GPATCH2: variants seen among roughly 807,000 people sequenced by gnomAD.
GPATCH2 encodes G-patch domain containing 2.
A neutral mutation model predicts 58.0 loss-of-function variants in GPATCH2; 51 were observed. That is an observed-to-expected ratio of 0.88 (90% confidence interval 0.70 to 1.11). The LOEUF is 1.11. GPATCH2 is among the 50% of genes most tolerant of loss of function. The probability of loss-of-function intolerance (pLI) is 0.00; values close to 1 mark genes in which losing one functional copy is unlikely to be tolerated. For synonymous variants in GPATCH2, 222 were observed against 218.5 expected (o/e 1.02, Z -0.14); for missense variants, 625 against 652.2 (o/e 0.96, Z 0.45).
At chr1:217,565,792 C>T (rs1666196131) in intron 5 of GPATCH2, among the ~76,000 whole-genome samples, 1 of 152,004 alleles carries the variant, frequency 6.6e-6, no homozygotes, top group Non-Finnish European at 1.5e-5. Flanking sequence ...GCGATCCAAC[C>T]TAATATCTAC....
intron 6 of GPATCH2, among the ~76,000 whole-genome samples, chr1:217,513,122 T>C (rs957400468): frequency 1.3e-5 from 2 of 152,146 alleles, no homozygotes; most frequent in Admixed American, 6.5e-5. Context: ...ATACCCCATC[T>C]CTACTAAAAA....
intron 5 of GPATCH2, among the ~76,000 whole-genome samples, chr1:217,606,256 A>T (rs1668357181): frequency 6.6e-6 from 1 of 151,482 alleles, no homozygotes; most frequent in Non-Finnish European, 1.5e-5. Flanking sequence ...CTCTGTGGTC[A>T]GGAGAAGAGT....
At chr1:217,609,744 A>T (rs1668535832) in intron 5 of GPATCH2, 1 of 947,194 alleles carries the variant, frequency 1.1e-6, no homozygotes, top group South Asian at 4.9e-5. Context: ...ATTTTTATTT[A>T]CAACAGTCAG....
intron 5 of GPATCH2, among the ~76,000 whole-genome samples, chr1:217,536,456 A>G (rs1387258414): frequency 6.6e-6 from 1 of 152,180 alleles, no homozygotes; most frequent in Non-Finnish European, 1.5e-5. Flanking sequence ...CTTTCATTCA[A>G]ACTGATACTC....
chr1:217,432,320 T>C (rs866499739), intron 9 of GPATCH2, among the ~76,000 whole-genome samples: 3 of 125,984 alleles, frequency 2.4e-5, no homozygotes, highest in African/African-American at 3.5e-5. Flanking sequence ...TTTTCAAAAA[T>C]AGACTTTGAA....
intron 5 of GPATCH2, among the ~76,000 whole-genome samples, chr1:217,594,814 C>T (rs1667749103): frequency 6.6e-6 from 1 of 152,122 alleles, no homozygotes; most frequent in East Asian, 1.9e-4. Flanking sequence ...TGTAAAGGTA[C>T]CTTTCCCATA....
At position 217,502,636 on chromosome 1, in the gene GPATCH2, C is replaced by T. The variant is rs182210965; in HGVS notation, c.1167-4241G>A. ...TCCTCTCTTTATACTGAAGTCTTTC[C>T]TCAAATATCTGGTGATCTTTACTTA... On this transcript the variant is annotated intron_variant, in intron 6 of 9. Coordinates refer to ENST00000366935, the MANE Select transcript of GPATCH2 (RefSeq NM_018040.5). Among the ~76,000 whole-genome samples the T allele has an allele frequency of 2.9e-3, 435 of 151,994 alleles. 1 individual carries two copies. Among genetic ancestry groups the T allele is most frequent in the African/African-American group, 9.5e-3 (396 of 41,484 alleles).
At chr1:217,449,210 C>T (rs772515331) in intron 9 of GPATCH2, 39 bp downstream of exon 9, 9 of 1,013,918 alleles carry the variant, frequency 8.9e-6, no homozygotes, top group African/African-American at 6.3e-5. Context: ...TTTATGAACT[C>T]TACATTTGTG....
chr1:217,431,453 G>T, intron 9 of GPATCH2, 88 bp from the exon 10 acceptor site: 1 of 797,682 alleles, frequency 1.3e-6, no homozygotes, highest in Non-Finnish European at 2.2e-6. Flanking sequence ...CCTAAGTTTT[G>T]TTTTGTTTTG....
intron 5 of GPATCH2, among the ~76,000 whole-genome samples, chr1:217,568,657 T>C (rs77364343): frequency 0.016 from 2,440 of 152,222 alleles, 78 homozygotes; most frequent in East Asian, 0.13. Context: ...AAGGCCAGTG[T>C]TGCTAGACAG....
chr1:217,514,822 T>A lies in GPATCH2; in HGVS notation c.1166A>T (p.Asp389Val). The stretch of plus-strand genomic sequence containing the variant: ...TTATATAAACACACTGAGTACTCAC[T>A]CATGGTGATGAGAATCCGGGGAAAA... ...VHFSPDSHHH[D>V]HWFSPGARTE... The change falls in exon 6 of 10, where the codon GAC (aspartate) becomes GTC (valine). Residue 389 changes from aspartate (D) to valine (V), a missense_variant and splice_region_variant. Physicochemically the swap from Asp to Val is radical, Grantham distance 152 (BLOSUM62 -3). Coordinates refer to ENST00000366935, the MANE Select transcript of GPATCH2 (RefSeq NM_018040.5). 1 of 1,440,684 alleles carries A rather than the reference T, an allele frequency of 6.9e-7. No homozygotes were observed. The highest frequency in any genetic ancestry group is 9.8e-7 in the Non-Finnish European group (1 of 1,022,306). The allele number at this position is 1,440,684 out of a possible 1,614,324, so 89.2% of individuals were successfully genotyped here.
intron 5 of GPATCH2, among the ~76,000 whole-genome samples, chr1:217,544,776 A>T (rs971517193): frequency 6.6e-6 from 1 of 152,190 alleles, no homozygotes; most frequent in Non-Finnish European, 1.5e-5. Context: ...CACCTTAGCA[A>T]ACAAATTTGC....
At chr1:217,557,629 T>C (rs1356824381) in intron 5 of GPATCH2, among the ~76,000 whole-genome samples, 2 of 152,146 alleles carry the variant, frequency 1.3e-5, no homozygotes, top group African/African-American at 4.8e-5. Flanking sequence ...CCAACTTCAT[T>C]TCACCCTACA....
chr1:217,437,673 G>C (rs533353673), intron 9 of GPATCH2, among the ~76,000 whole-genome samples: 4 of 152,352 alleles, frequency 2.6e-5, no homozygotes, highest in African/African-American at 9.6e-5. Flanking sequence ...TAGCCAGACT[G>C]CCTCTCTAGA....
chr1:217,529,437 G>C (rs182792910), intron 5 of GPATCH2, among the ~76,000 whole-genome samples: 3 of 152,080 alleles, frequency 2.0e-5, no homozygotes, highest in African/African-American at 7.2e-5. Context: ...TGTAGAAATG[G>C]ATTAGTTCCC....
rs561365801 is a variant in GPATCH2, at chr1:217,601,154, C to T, written c.1098+9167G>A. Among the ~76,000 whole-genome samples the T allele has an allele frequency of 2.6e-5, 4 of 152,052 alleles. No individual in the cohort carries two copies. In the East Asian group the frequency reaches 7.7e-4, roughly 29 times the overall value. On this transcript the variant is annotated intron_variant, in intron 5 of 9. Transcript: ENST00000366935. ...TGAAAGCAGAAGAGTAAACTGGTAA[C>T]CTCTGTAGCGAAGTTCTTACATATT...
chr1:217,496,151 T>C (rs886241954), intron 7 of GPATCH2, among the ~76,000 whole-genome samples: 4 of 152,200 alleles, frequency 2.6e-5, no homozygotes, highest in African/African-American at 9.6e-5. Flanking sequence ...AACTAAGAAA[T>C]TATTATCCCT....
intron 3 of GPATCH2, among the ~76,000 whole-genome samples, chr1:217,611,568 C>T (rs1010898123): frequency 1.3e-5 from 2 of 152,088 alleles, no homozygotes; most frequent in African/African-American, 4.8e-5. Flanking sequence ...AAAAAACAAA[C>T]CTTAATCTGC....
At chr1:217,518,688 A>G (rs1375143060) in intron 5 of GPATCH2, among the ~76,000 whole-genome samples, 1 of 152,210 alleles carries the variant, frequency 6.6e-6, no homozygotes, top group Non-Finnish European at 1.5e-5. Context: ...TCCTTCTGTA[A>G]ATTAATGAAG....
Sources: gnomAD v4.1 joint callset for allele counts (sites outside exome capture counted in the v4.1 genomes callset) on GRCh38, gnomAD v4.1.1 for gene constraint, MANE v1.5 for transcripts, NCBI Gene and HGNC (gene_info 2026-07-23, HGNC 2026-07-21) for gene names.